Variants in UBE2E1 observed in about 807,000 individuals in gnomAD.
The protein encoded by UBE2E1 is ubiquitin-conjugating enzyme E2 E1.
A neutral mutation model predicts 21.4 loss-of-function variants in UBE2E1; 6 were observed. That is an observed-to-expected ratio of 0.28 (90% CI 0.15 to 0.55). The LOEUF is 0.55. Among genes scored for constraint, UBE2E1 ranks in the 20% least tolerant of loss-of-function variants. The pLI, the probability that UBE2E1 is intolerant of heterozygous loss-of-function variation, is 0.93. For missense variants in UBE2E1, 142 were observed against 236.5 expected (o/e 0.60, Z 2.62); for synonymous variants, 87 against 82.7 (o/e 1.05, Z -0.28).
chr3:23,833,172 C>T (rs1699904831), intron 3 of UBE2E1, among the ~76,000 whole-genome samples: 1 of 152,170 alleles, frequency 6.6e-6, no homozygotes, highest in Non-Finnish European at 1.5e-5. Flanking sequence ...TCTCTTAGCA[C>T]TTCCTTTTAT....
intron 3 of UBE2E1, among the ~76,000 whole-genome samples, chr3:23,885,871 CA>C (rs199858555): frequency 6.6e-6 from 1 of 150,382 alleles, no homozygotes; most frequent in East Asian, 2.0e-4. Context: ...AAAAAACAAA[CA>C]AAAAAAACAA....
intron 3 of UBE2E1, among the ~76,000 whole-genome samples, chr3:23,886,020 G>C (rs1480018936): frequency 6.6e-6 from 1 of 151,494 alleles, no homozygotes; most frequent in Non-Finnish European, 1.5e-5. Flanking sequence ...AACATAGAGA[G>C]ACCCCCATCT....
rs1225802264 is a variant in UBE2E1 at position 23,887,042 on chromosome 3, C to T, written c.204-525C>T. ...GAATAACCTGTAACTGGATACTTAC[C>T]ATTCTCCTCCCACCTAACATGGACA... On this transcript the variant is annotated intron_variant, in intron 3 of 5. Coordinates refer to ENST00000306627, the MANE Select transcript of UBE2E1 (RefSeq NM_003341.5). This position sits in a 1 kb window ranked among gnomAD's most constrained non-coding sequence, Gnocchi z 4.4. Among the ~76,000 whole-genome samples, 1 of 152,184 alleles carries T rather than the reference C, an allele frequency of 6.6e-6. No homozygotes were observed. The highest frequency in any genetic ancestry group is 1.5e-5 in the Non-Finnish European group (1 of 68,038).
intron 3 of UBE2E1, among the ~76,000 whole-genome samples, chr3:23,818,884 A>G (rs1292874370): frequency 1.3e-5 from 2 of 152,216 alleles, no homozygotes; most frequent in African/African-American, 4.8e-5. Context: ...AAAAGTCCCT[A>G]GAGGGAGATC....
chr3:23,825,969 G>A (rs1038144517), intron 3 of UBE2E1, among the ~76,000 whole-genome samples: 3 of 152,190 alleles, frequency 2.0e-5, no homozygotes, highest in African/African-American at 7.2e-5. Context: ...AAGGCTGGGA[G>A]TTTGAAGCTG....
At chr3:23,819,145 G>A (rs911237615) in intron 3 of UBE2E1, among the ~76,000 whole-genome samples, 4 of 152,002 alleles carry the variant, frequency 2.6e-5, no homozygotes, top group Admixed American at 2.0e-4. Context: ...TTAGCCAGGC[G>A]TGGTGGCACG....
At position 23,836,862 on chromosome 3, in the gene UBE2E1, G is replaced by A. The variant is rs568890330; in HGVS notation, c.203+25352G>A. Reference sequence around the variant, plus strand: ...GATTGATCTAGTTTATGTTCTCTTTGTGCTAGATGGTGGCATCACTCATGA... The same window carrying A: ...GATTGATCTAGTTTATGTTCTCTTTATGCTAGATGGTGGCATCACTCATGA... On this transcript the variant is annotated intron_variant, in intron 3 of 5. Transcript: ENST00000306627. This position sits in a 1 kb window ranked among gnomAD's most constrained non-coding sequence, Gnocchi z 4.1. Among the ~76,000 whole-genome samples the A allele has an allele frequency of 1.3e-5, 2 of 152,236 alleles. No individual in the cohort carries two copies. The highest frequency in any genetic ancestry group is 4.1e-4 in the South Asian group (2 of 4,820).
At chr3:23,857,960 C>T (rs1173759397) in intron 3 of UBE2E1, among the ~76,000 whole-genome samples, 3 of 152,010 alleles carry the variant, frequency 2.0e-5, no homozygotes, top group Non-Finnish European at 4.4e-5. Context: ...ACCTCTGTCA[C>T]CCAGGTTCAT....
rs1700122711 is a variant in UBE2E1 at position 23,842,758 on chromosome 3, T to C, written c.203+31248T>C. 6.6e-6 allele frequency among the ~76,000 whole-genome samples: 1 copy of C among 152,222 alleles called. No individual in the cohort carries two copies. On this transcript the variant is annotated intron_variant, in intron 3 of 5. Transcript: ENST00000306627. This position sits in a 1 kb window ranked among gnomAD's most constrained non-coding sequence, Gnocchi z 4.6. ...AGTCACACATAAGTTTTTATACTTT[T>C]TGAGGGAATAAAGATTTCTAATTGT...
chr3:23,811,919 T>C (rs1281562700), intron 3 of UBE2E1, among the ~76,000 whole-genome samples: 3 of 152,256 alleles, frequency 2.0e-5, no homozygotes, highest in Admixed American at 6.5e-5. Flanking sequence ...ACATTAGAGT[T>C]AAACACTGGA....
chr3:23,886,608 A>C (rs528612296), intron 3 of UBE2E1, among the ~76,000 whole-genome samples: 14 of 152,288 alleles, frequency 9.2e-5, no homozygotes, highest in Admixed American at 8.5e-4. Flanking sequence ...GGTTTGGGGA[A>C]AGTATAGGCC....
intron 3 of UBE2E1, chr3:23,866,213 C>T (rs544044034): frequency 1.1e-4 from 17 of 152,610 alleles, no homozygotes; most frequent in African/African-American, 3.6e-4. Flanking sequence ...CTCTCCTCAC[C>T]TCCTGACCCT....
At chr3:23,875,812 G>A (rs1043693489) in intron 3 of UBE2E1, among the ~76,000 whole-genome samples, 16 of 152,138 alleles carry the variant, frequency 1.1e-4, no homozygotes, top group African/African-American at 3.6e-4. Flanking sequence ...TCGCTCTGTC[G>A]CCCAGGCTGG....
At position 23,889,103 on chromosome 3, in the gene UBE2E1, T is replaced by C; in HGVS notation, c.337-9T>C. ...TGTTTAAATATTGTCTGTCACTTGT[T>C]TTTTTTAGGTTACATTTCGGACAAG... On this transcript the variant is annotated splice_polypyrimidine_tract_variant and intron_variant, in intron 4 of 5. Coordinates refer to ENST00000306627, the MANE Select transcript of UBE2E1 (RefSeq NM_003341.5). 1 of 1,585,208 alleles carries C rather than the reference T, an allele frequency of 6.3e-7. No individual in the cohort carries two copies. The highest frequency in any genetic ancestry group is 8.6e-7 in the Non-Finnish European group (1 of 1,168,518).
chr3:23,856,653 C>G (rs900273543), intron 3 of UBE2E1, among the ~76,000 whole-genome samples: 1 of 152,180 alleles, frequency 6.6e-6, no homozygotes, highest in Admixed American at 6.5e-5. Context: ...ATGCATCTCT[C>G]TTTTCATACC....
intron 3 of UBE2E1, among the ~76,000 whole-genome samples, chr3:23,841,674 G>C (rs1488563765): frequency 6.6e-6 from 1 of 152,130 alleles, no homozygotes; most frequent in Non-Finnish European, 1.5e-5. Flanking sequence ...CACAGTTCTA[G>C]GATTCTGGAG....
intron 3 of UBE2E1, among the ~76,000 whole-genome samples, chr3:23,834,764 C>T (rs1316607280): frequency 1.3e-5 from 2 of 152,084 alleles, no homozygotes; most frequent in African/African-American, 4.8e-5. Flanking sequence ...TTACACTGCT[C>T]TTTTTAATAC....
In UBE2E1 at chr3:23,891,634, G is replaced by T. The variant is rs1397313914; in HGVS notation, c.*1028G>T. ...ATGGATAAATTGGTACCCTGCCTTA[G>T]GGGGCATTTTGGCAGTACATGTCCT... is the stretch of plus-strand genomic sequence containing the variant. On this transcript the variant is annotated 3_prime_UTR_variant, in exon 6 of 6. Transcript: ENST00000306627. 2.0e-5 allele frequency: 3 copies of T among 152,192 alleles called. No individual in the cohort carries two copies. The highest frequency in any genetic ancestry group is 7.2e-5 in the African/African-American group (3 of 41,452). The allele number at this position is 152,192 out of a possible 1,614,324, so 9.4% of individuals were successfully genotyped here.
intron 3 of UBE2E1, among the ~76,000 whole-genome samples, chr3:23,819,179 G>A (rs1699592937): frequency 6.6e-6 from 1 of 152,148 alleles, no homozygotes; most frequent in Non-Finnish European, 1.5e-5. Context: ...AGCTACTCAG[G>A]AGGCTGAGGC....
Sources: allele counts gnomAD v4.1 joint callset (sites outside exome capture counted in the v4.1 genomes callset), GRCh38; gene constraint gnomAD v4.1.1; non-coding constraint Gnocchi (gnomAD v3.1); transcripts MANE v1.5; gene names NCBI Gene and HGNC (gene_info 2026-07-23, HGNC 2026-07-21).